PCDHA6: variants seen among roughly 807,000 people sequenced by gnomAD.
PCDHA6 encodes protocadherin alpha-6.
In PCDHA6, 55 loss-of-function variants were observed where a neutral mutation model predicts 60.3. The ratio of observed to expected loss-of-function variants is 0.91; its 90% CI spans 0.73 to 1.14. The LOEUF (loss-of-function observed/expected upper bound fraction) is 1.14. PCDHA6 is among the 50% of genes most tolerant of loss of function. The probability of loss-of-function intolerance (pLI) is 0.00; values close to 1 mark genes in which losing one functional copy is unlikely to be tolerated. For synonymous variants in PCDHA6, 652 were observed against 557.9 expected (o/e 1.17, Z -2.38); for missense variants, 1,327 against 1,256.5 (o/e 1.06, Z -0.85).
intron 1 of PCDHA6, chr5:140,869,037 C>A: frequency 1.3e-6 from 2 of 1,528,404 alleles, no homozygotes; most frequent in South Asian, 2.6e-5. Context: ...AGATTTTTAA[C>A]CTGAAACTGA....
intron 1 of PCDHA6, chr5:140,884,468 C>T (rs925441051): frequency 2.5e-6 from 4 of 1,613,762 alleles, no homozygotes; most frequent in Non-Finnish European, 3.4e-6. Flanking sequence ...CGCGTGCGCG[C>T]CGGGCAAGCC....
At chr5:140,869,729 A>G (rs1554163384) in intron 1 of PCDHA6, 3 of 1,613,398 alleles carry the variant, frequency 1.9e-6, no homozygotes, top group Admixed American at 3.3e-5. Flanking sequence ...CCGGAACTTA[A>G]TTTGCTGCTA....
At chr5:140,843,763 G>T in intron 1 of PCDHA6, 1 of 1,492,614 alleles carries the variant, frequency 6.7e-7, no homozygotes, top group Non-Finnish European at 9.2e-7. Flanking sequence ...TGTGGAAATT[G>T]TAGTTACTTT....
At position 140,858,183 on chromosome 5, in the gene PCDHA6, C is replaced by T. The variant is rs1417282608; in HGVS notation, c.2394+27698C>T. The T allele has an allele frequency of 1.1e-5, 17 of 1,597,392 alleles. 4 individuals carry two copies. The highest frequency in any genetic ancestry group is 5.5e-5 in the South Asian group (5 of 90,536). On this transcript the variant is annotated intron_variant, in intron 1 of 3. Transcript: ENST00000529310. ...GCGGTGTCCAGCTTGCTGGTGCTCA[C>T]GCTGCTGCTGTACACTGCACTGAGG...
At position 141,011,477 on chromosome 5, in the gene PCDHA6, T is replaced by C. The variant is rs1256394490; in HGVS notation, c.*1540T>C. 2 of 153,818 alleles carry C rather than the reference T, an allele frequency of 1.3e-5. No homozygotes were observed. Among genetic ancestry groups the C allele is most frequent in the Non-Finnish European group, 2.9e-5 (2 of 68,052 alleles). The allele number at this position is 153,818 out of a possible 1,614,324, so 9.5% of individuals were successfully genotyped here. ...TTTATTGTTGAATGTAATTCCATTA[T>C]ATTTCCTTTTGTACACCTGTGAAAA... On this transcript the variant is annotated 3_prime_UTR_variant, in exon 4 of 4. Transcript: ENST00000529310.
intron 1 of PCDHA6, chr5:140,843,724 A>G: frequency 6.4e-7 from 1 of 1,561,476 alleles, no homozygotes; most frequent in East Asian, 2.2e-5. Context: ...AAGTAAGTCC[A>G]TTTAAATTTA....
Position 141,010,042 on chromosome 5 carries a change from T to C in PCDHA6, c.*105T>C. 6.3e-7 allele frequency: 1 copy of C among 1,594,374 alleles called. No homozygotes were observed. The highest frequency in any genetic ancestry group is 8.5e-7 in the Non-Finnish European group (1 of 1,171,086). ...TTTTTCCTATCTACATGAGCCCTCT[T>C]AGAGACCTCAGAAATCTGCAGAAAG... On this transcript the variant is annotated 3_prime_UTR_variant, in exon 4 of 4. Transcript: ENST00000529310.
chr5:140,928,426 T>G (rs1563104997), intron 1 of PCDHA6: 2 of 1,614,134 alleles, frequency 1.2e-6, no homozygotes, highest in Non-Finnish European at 1.7e-6. Context: ...TGCCAAAACT[T>G]CCTTTGACTT....
At chr5:140,880,554 A>T (rs546471112) in intron 1 of PCDHA6, among the ~76,000 whole-genome samples, 1 of 152,360 alleles carries the variant, frequency 6.6e-6, no homozygotes, top group South Asian at 2.1e-4. Flanking sequence ...ACTGATGGAA[A>T]TGAGGTTGAG....
chr5:140,844,617 C>G lies in PCDHA6; in HGVS notation c.2394+14132C>G, dbSNP rs1271034254. 1.3e-5 allele frequency among the ~76,000 whole-genome samples: 2 copies of G among 149,204 alleles called. 1 individual carries two copies. The highest frequency in any genetic ancestry group is 4.9e-5 in the African/African-American group (2 of 40,768). ...AATATATGACTTAGAAAAATGTTTT[C>G]ATCAGAAAAACTATACATGATAATT... On this transcript the variant is annotated intron_variant, in intron 1 of 3. Coordinates refer to ENST00000529310, the MANE Select transcript of PCDHA6 (RefSeq NM_018909.4).
intron 1 of PCDHA6, among the ~76,000 whole-genome samples, chr5:140,885,388 A>G (rs1187514037): frequency 2.0e-5 from 3 of 152,166 alleles, no homozygotes; most frequent in Admixed American, 2.0e-4. Context: ...CAGTCCCTGC[A>G]AATCTAATGG....
At position 140,829,434 on chromosome 5, in the gene PCDHA6, T is replaced by A. The variant is rs2150167866; in HGVS notation, c.1343T>A (p.Met448Lys). 3 of 1,613,976 alleles carry A rather than the reference T, an allele frequency of 1.9e-6. No homozygotes were observed. In the South Asian group the frequency reaches 3.3e-5, roughly 18 times the overall value. The change falls in exon 1 of 4, where the codon ATG (methionine) becomes AAG (lysine). Residue 448 changes from methionine (M) to lysine (K), a missense_variant. Met to Lys is a moderately conservative substitution (Grantham distance 95, BLOSUM62 -1). Transcript: ENST00000529310. Reference protein sequence around the residue: ...TASLSVEVADMNDNAPAFAQP... With the variant: ...TASLSVEVADKNDNAPAFAQP... ...AGCTTGTCTGTGGAGGTGGCCGACA[T>A]GAATGACAATGCTCCGGCGTTCGCG...
At chr5:140,832,322 A>C (rs187612308) in intron 1 of PCDHA6, among the ~76,000 whole-genome samples, 11 of 152,360 alleles carry the variant, frequency 7.2e-5, no homozygotes, top group African/African-American at 2.4e-4. Context: ...CTTAAGGGCC[A>C]TTAGAGGACT....
intron 1 of PCDHA6, chr5:140,868,478 AT>A (rs1444050987): frequency 1.3e-5 from 2 of 152,364 alleles, no homozygotes; most frequent in Non-Finnish European, 2.9e-5. Flanking sequence ...TAAAACTTCA[AT>A]TTTTTCTTTG....
At chr5:140,931,751 A>G (rs1393748704) in intron 1 of PCDHA6, among the ~76,000 whole-genome samples, 2 of 151,952 alleles carry the variant, frequency 1.3e-5, no homozygotes, top group African/African-American at 4.8e-5. Context: ...TCACAAAGGC[A>G]TTTGTTATTT....
intron 1 of PCDHA6, chr5:140,862,649 C>A: frequency 3.7e-6 from 2 of 543,104 alleles, no homozygotes; most frequent in South Asian, 1.4e-5. Context: ...ACAGTGTCCG[C>A]GCGGGACCGG....
At chr5:140,839,391 TGA>T (rs2150297382) in intron 1 of PCDHA6, among the ~76,000 whole-genome samples, 1,897 of 151,830 alleles carry the variant, frequency 0.012, 32 homozygotes, top group Middle Eastern at 0.017. Context: ...ATGATGATGA[TGA>T]TGATTATTAT....
chr5:140,976,511 A>G (rs1216804890), intron 1 of PCDHA6, among the ~76,000 whole-genome samples: 1 of 152,148 alleles, frequency 6.6e-6, no homozygotes, highest in Non-Finnish European at 1.5e-5. Flanking sequence ...AGATCGCGCC[A>G]CTGCACACCA....
At chr5:140,869,951 CAATT>C (rs1554163647) in intron 1 of PCDHA6, 4 of 1,611,984 alleles carry the variant, frequency 2.5e-6, no homozygotes, top group Non-Finnish European at 3.4e-6. Flanking sequence ...TCCTTAATGT[CAATT>C]AAGCCCAATG....
Sources: gnomAD v4.1 joint callset for allele counts (sites outside exome capture counted in the v4.1 genomes callset) on GRCh38, gnomAD v4.1.1 for gene constraint, MANE v1.5 for transcripts, NCBI Gene and HGNC (gene_info 2026-07-23, HGNC 2026-07-21) for gene names.